The following GABBR2 variants were observed in gnomAD, a reference collection of about 807,000 sequenced individuals.
The protein encoded by GABBR2 is gamma-aminobutyric acid type B receptor subunit 2, also known as G-protein coupled receptor 51.
In GABBR2, 23 loss-of-function variants were observed where a neutral mutation model predicts 105.6. That is an observed-to-expected ratio of 0.22 (90% CI 0.16 to 0.31). The LOEUF (loss-of-function observed/expected upper bound fraction) is 0.31. GABBR2 is among the 10% of genes least tolerant of loss of function. The pLI, the probability that GABBR2 is intolerant of heterozygous loss-of-function variation, is 1.00. For synonymous variants in GABBR2, 478 were observed against 499.7 expected, an observed-to-expected ratio of 0.96 and a Z score of 0.58; for missense variants, 734 against 1,245.5, an observed-to-expected ratio of 0.59 and a Z score of 6.18.
At chr9:98,523,274 TAAATC>T (rs1157864262) in intron 3 of GABBR2, among the ~76,000 whole-genome samples, 1 of 152,162 alleles carries the variant, frequency 6.6e-6, no homozygotes, top group Non-Finnish European at 1.5e-5. Flanking sequence ...AAGAAGTAGA[TAAATC>T]AAAGCACAGC....
rs149133343 is a variant in GABBR2, at chr9:98,455,241, G to A, written c.1000-1024C>T. ...ATTTTGATTGTGGCCACAAAGTAACGAAACTGCCTTTTTACTCCAGACCTT... is the reference window on the plus strand; with the variant it reads ...ATTTTGATTGTGGCCACAAAGTAACAAAACTGCCTTTTTACTCCAGACCTT... On this transcript the variant is annotated intron_variant, in intron 6 of 18. Coordinates refer to ENST00000259455, the MANE Select transcript of GABBR2 (RefSeq NM_005458.8). Among the ~76,000 whole-genome samples the A allele has an allele frequency of 8.3e-3, 1,265 of 152,258 alleles. 10 individuals are homozygous for A. Among genetic ancestry groups the A allele is most frequent in the Non-Finnish European group, 0.012 (817 of 68,014 alleles).
At chr9:98,582,768 G>A (rs141931631) in intron 1 of GABBR2, among the ~76,000 whole-genome samples, 213 of 152,240 alleles carry the variant, frequency 1.4e-3, no homozygotes, top group African/African-American at 4.9e-3. Flanking sequence ...TGTTTTTAAT[G>A]TCCTGACATG....
In GABBR2 at chr9:98,289,636, G is replaced by GA. The variant is rs35672692; in HGVS notation, c.*947dup. 190 of 142,458 alleles carry GA rather than the reference G, an allele frequency of 1.3e-3. No individual in the cohort carries two copies. Among genetic ancestry groups the GA allele is most frequent in the Non-Finnish European group, 1.5e-3 (94 of 64,666 alleles). The allele number at this position is 142,458 out of a possible 1,614,324, so 8.8% of individuals were successfully genotyped here. On this transcript the variant is annotated 3_prime_UTR_variant, in exon 19 of 19. Coordinates refer to ENST00000259455, the MANE Select transcript of GABBR2 (RefSeq NM_005458.8). Reference sequence around the variant, plus strand: ...CTTTGGTCAGAAACAAAGTTAGTGGGAAAAAAAAAAAAAAAATCCCAGCCA... The same window carrying GA: ...CTTTGGTCAGAAACAAAGTTAGTGGGAAAAAAAAAAAAAAAAATCCCAGCCA...
In GABBR2 at chr9:98,449,705, A is replaced by C. The variant is rs1163100118; in HGVS notation, c.1236+4276T>G. On this transcript the variant is annotated intron_variant, in intron 7 of 18. Coordinates refer to ENST00000259455, the MANE Select transcript of GABBR2 (RefSeq NM_005458.8). ...GTCATTTTCAGAAAAGGGGATTCTC[A>C]GAATGCTCTGGGCTTTTGAGATTTA... Among the ~76,000 whole-genome samples, 6 of 152,336 alleles carry C rather than the reference A, an allele frequency of 3.9e-5. No individual in the cohort carries two copies. In the East Asian group the frequency reaches 1.2e-3, roughly 29 times the overall value.
chr9:98,685,102 C>T (rs1009172096), intron 1 of GABBR2, among the ~76,000 whole-genome samples: 1 of 152,212 alleles, frequency 6.6e-6, no homozygotes, highest in Admixed American at 6.5e-5. Context: ...GCTGCCAGCA[C>T]AGCTGGGATA....
intron 1 of GABBR2, among the ~76,000 whole-genome samples, chr9:98,701,664 G>A (rs1830831298): frequency 6.6e-6 from 1 of 152,118 alleles, no homozygotes; most frequent in South Asian, 2.1e-4. Flanking sequence ...CTCAAGAGCT[G>A]CCAGCCAGCA....
chr9:98,592,707 G>T (rs1234744120), intron 1 of GABBR2, among the ~76,000 whole-genome samples: 1 of 152,208 alleles, frequency 6.6e-6, no homozygotes, highest in Non-Finnish European at 1.5e-5. Context: ...ATTTCACCAA[G>T]TGAAGGAATA....
intron 18 of GABBR2, among the ~76,000 whole-genome samples, chr9:98,292,011 C>T (rs1266136293): frequency 1.3e-5 from 2 of 152,216 alleles, no homozygotes; most frequent in African/African-American, 4.8e-5. Flanking sequence ...CATTGCCACA[C>T]CCTTCTGGTC....
intron 1 of GABBR2, among the ~76,000 whole-genome samples, chr9:98,693,417 C>T (rs1830709824): frequency 6.6e-6 from 1 of 152,230 alleles, no homozygotes; most frequent in Non-Finnish European, 1.5e-5. Flanking sequence ...CTAAACTAGC[C>T]TTGCCCTCAG....
intron 13 of GABBR2, among the ~76,000 whole-genome samples, chr9:98,320,655 A>G (rs1030592386): frequency 1.3e-5 from 2 of 152,166 alleles, no homozygotes; most frequent in Admixed American, 6.5e-5. Flanking sequence ...GCCTTAAAAA[A>G]TGATGAGTTC....
chr9:98,693,364 T>C (rs529833562), intron 1 of GABBR2, among the ~76,000 whole-genome samples: 5 of 152,234 alleles, frequency 3.3e-5, no homozygotes, highest in African/African-American at 9.6e-5. Flanking sequence ...GGCCCCTCCA[T>C]GTCCTCAGGT....
chr9:98,565,361 C>T (rs1296523714), intron 2 of GABBR2, among the ~76,000 whole-genome samples: 1 of 152,202 alleles, frequency 6.6e-6, no homozygotes, highest in Non-Finnish European at 1.5e-5. Flanking sequence ...GAAACCAGGC[C>T]TTATGAGCCC....
chr9:98,396,150 G>T lies in GABBR2; in HGVS notation c.1298-1895C>A, dbSNP rs140703657. 3.1e-3 allele frequency among the ~76,000 whole-genome samples: 472 copies of T among 152,274 alleles called. 1 individual carries two copies. Among genetic ancestry groups the T allele is most frequent in the Non-Finnish European group, 5.3e-3 (358 of 68,020 alleles). On this transcript the variant is annotated intron_variant, in intron 8 of 18. Transcript: ENST00000259455. ...TTCCTGAGAGGTGACAGTTTGTGCC[G>T]AGTGCCCACTTCATGGACCACCTGT...
At chr9:98,515,144 A>G (rs1364537033) in intron 3 of GABBR2, among the ~76,000 whole-genome samples, 1 of 152,228 alleles carries the variant, frequency 6.6e-6, no homozygotes, top group African/African-American at 2.4e-5. Context: ...GGTGGGTTGC[A>G]CAGGCTGTAG....
chr9:98,674,657 C>T (rs1479277669), intron 1 of GABBR2, among the ~76,000 whole-genome samples: 1 of 152,100 alleles, frequency 6.6e-6, no homozygotes, highest in Non-Finnish European at 1.5e-5. Flanking sequence ...CAGGAGAGTC[C>T]ATGACAGATG....
At chr9:98,291,279 G>A (rs1830299242) in intron 18 of GABBR2, among the ~76,000 whole-genome samples, 1 of 152,186 alleles carries the variant, frequency 6.6e-6, no homozygotes, top group Non-Finnish European at 1.5e-5. Flanking sequence ...TGTACTGAAT[G>A]TGTATCACTT....
intron 13 of GABBR2, among the ~76,000 whole-genome samples, chr9:98,350,184 A>C (rs1831373347): frequency 6.6e-6 from 1 of 150,534 alleles, no homozygotes. Context: ...TCTCAAAAAA[A>C]AAAACCCCAC....
rs561968646 is a variant in GABBR2 at position 98,488,167 on chromosome 9, C to T, written c.733-7170G>A. ...ACCTTGATGTTGGCCTGTCAAGATC[C>T]ATGTAGGACATCTGGCTTCCAGACA... On this transcript the variant is annotated intron_variant, in intron 4 of 18. Coordinates refer to ENST00000259455, the MANE Select transcript of GABBR2 (RefSeq NM_005458.8). Among the ~76,000 whole-genome samples the T allele has an allele frequency of 1.9e-3, 293 of 152,298 alleles. 2 individuals carry two copies. Among genetic ancestry groups the T allele is most frequent in the African/African-American group, 6.4e-3 (267 of 41,558 alleles).
chr9:98,360,629 T>G (rs1482669566), intron 13 of GABBR2, among the ~76,000 whole-genome samples: 3 of 152,192 alleles, frequency 2.0e-5, no homozygotes, highest in Admixed American at 6.5e-5. Flanking sequence ...TGGAATGTGC[T>G]AGGGTTCTAT....
Sources: allele counts gnomAD v4.1 joint callset (sites outside exome capture counted in the v4.1 genomes callset), GRCh38; gene constraint gnomAD v4.1.1; transcripts MANE v1.5; gene names NCBI Gene and HGNC (gene_info 2026-07-23, HGNC 2026-07-21).